The following ELOVL2 variants were observed in gnomAD, a reference collection of about 807,000 sequenced individuals.
ELOVL2 encodes the protein very long chain fatty acid elongase 2.
A neutral mutation model predicts 37.7 loss-of-function variants in ELOVL2; 38 were observed. The ratio of observed to expected loss-of-function variants is 1.01; its 90% confidence interval spans 0.78 to 1.32. The LOEUF (loss-of-function observed/expected upper bound fraction) is 1.32, where lower values mean the gene tolerates loss of function less well. Ranked by LOEUF, ELOVL2 falls within the 40% of genes most tolerant of loss-of-function variation. The pLI is 0.00. For synonymous variants in ELOVL2, 115 were observed against 122.3 expected, an observed-to-expected ratio of 0.94 and a Z score of 0.40; for missense variants, 352 against 363.6, an observed-to-expected ratio of 0.97 and a Z score of 0.26.
At chr6:11,007,860 C>A (rs1010635975) in intron 2 of ELOVL2, among the ~76,000 whole-genome samples, 1 of 152,176 alleles carries the variant, frequency 6.6e-6, no homozygotes, top group African/African-American at 2.4e-5. Flanking sequence ...GCACATACTG[C>A]AAACTAATAT....
chr6:11,003,327 C>T (rs892025948), intron 3 of ELOVL2, among the ~76,000 whole-genome samples: 3 of 152,150 alleles, frequency 2.0e-5, no homozygotes, highest in African/African-American at 7.2e-5. Flanking sequence ...CCGACAGGCC[C>T]GGGCGTGTGA....
chr6:11,017,348 G>T (rs1782699477), intron 1 of ELOVL2, among the ~76,000 whole-genome samples: 1 of 152,138 alleles, frequency 6.6e-6, no homozygotes, highest in Admixed American at 6.5e-5. Flanking sequence ...GAACTACAAT[G>T]AATCAGTGTT....
intron 1 of ELOVL2, among the ~76,000 whole-genome samples, chr6:11,019,293 CTAAA>C (rs1437550521): frequency 6.6e-6 from 1 of 152,022 alleles, no homozygotes; most frequent in Non-Finnish European, 1.5e-5. Flanking sequence ...GTCCAAATTC[CTAAA>C]TATAGACATT....
At chr6:10,985,328 G>A (rs1436483116) in intron 7 of ELOVL2, among the ~76,000 whole-genome samples, 1 of 151,708 alleles carries the variant, frequency 6.6e-6, no homozygotes, top group Non-Finnish European at 1.5e-5. Flanking sequence ...TCACTCTGAT[G>A]GTCGTTTCTT....
At chr6:11,029,057 CAAAAAAAAAA>C (rs61212546) in intron 1 of ELOVL2, among the ~76,000 whole-genome samples, 31,531 of 84,730 alleles carry the variant, frequency 0.37, 3,841 homozygotes, top group Middle Eastern at 0.48. Context: ...TTTGTCTCTA[CAAAAAAAAAA>C]AAAAAAAAAA....
At chr6:10,993,226 C>T (rs117846386) in intron 5 of ELOVL2, among the ~76,000 whole-genome samples, 3,450 of 152,186 alleles carry the variant, frequency 0.023, 152 homozygotes, top group East Asian at 0.19. Flanking sequence ...AGTAAGAATA[C>T]AGAATTATGA....
chr6:10,984,361 T>C (rs984359744), intron 7 of ELOVL2, among the ~76,000 whole-genome samples: 21 of 152,044 alleles, frequency 1.4e-4, no homozygotes, highest in Non-Finnish European at 2.6e-4. Context: ...ATATATTATA[T>C]TTTTTATTAT....
chr6:11,013,233 A>G (rs1782613938), intron 1 of ELOVL2, among the ~76,000 whole-genome samples: 1 of 152,364 alleles, frequency 6.6e-6, no homozygotes, highest in South Asian at 2.1e-4. Flanking sequence ...TTTCTGGGTT[A>G]CTTAATATAG....
At chr6:11,021,317 T>G (rs1466287610) in intron 1 of ELOVL2, among the ~76,000 whole-genome samples, 2 of 152,228 alleles carry the variant, frequency 1.3e-5, no homozygotes, top group Non-Finnish European at 2.9e-5. Flanking sequence ...AGTCAAGATC[T>G]TCTTTACCTG....
intron 4 of ELOVL2, among the ~76,000 whole-genome samples, chr6:10,995,518 C>T (rs542316051): frequency 4.6e-5 from 7 of 152,324 alleles, no homozygotes; most frequent in African/African-American, 9.6e-5. Flanking sequence ...CTCCCCACCA[C>T]GGTGTCCTGT....
intron 2 of ELOVL2, among the ~76,000 whole-genome samples, chr6:11,008,661 A>G (rs531329802): frequency 1.3e-5 from 2 of 152,250 alleles, no homozygotes; most frequent in East Asian, 3.9e-4. Flanking sequence ...TACCCACTAG[A>G]ACTGTAAGGG....
chr6:11,043,404 A>AAC (rs34656289), intron 1 of ELOVL2: 10,221 of 115,024 alleles, frequency 0.089, 828 homozygotes, highest in East Asian at 0.18. Context: ...GACACGGGTG[A>AAC]ACACACACAC....
chr6:11,005,669 C>G (rs1362447841), intron 2 of ELOVL2, 110 bp from the exon 3 acceptor site: 5 of 881,460 alleles, frequency 5.7e-6, no homozygotes, highest in Non-Finnish European at 8.6e-6. Flanking sequence ...GGGAACAACT[C>G]CATACAACAT....
intron 1 of ELOVL2, among the ~76,000 whole-genome samples, chr6:11,035,467 G>A (rs1051681802): frequency 1.3e-5 from 2 of 152,056 alleles, no homozygotes; most frequent in Admixed American, 1.3e-4. Flanking sequence ...TCACACAATC[G>A]GTTTCATCAT....
intron 1 of ELOVL2, among the ~76,000 whole-genome samples, chr6:11,027,532 T>C (rs1782856908): frequency 6.6e-6 from 1 of 152,228 alleles, no homozygotes; most frequent in African/African-American, 2.4e-5. Flanking sequence ...TTTTAGAAAG[T>C]CCTACTTTAT....
At chr6:11,022,241 TGTGTCCAGCTAGACAAGAATCG>T (rs1782774893) in intron 1 of ELOVL2, among the ~76,000 whole-genome samples, 1 of 152,136 alleles carries the variant, frequency 6.6e-6, no homozygotes, top group Non-Finnish European at 1.5e-5. Flanking sequence ...TGTCAGAAGT[TGTGTCCAGCTAGACAAGAATCG>T]GTGTCCAGCA....
At chr6:11,024,155 A>G (rs7769571) in intron 1 of ELOVL2, among the ~76,000 whole-genome samples, 13,105 of 152,224 alleles carry the variant, frequency 0.086, 1,692 homozygotes, top group African/African-American at 0.28. Flanking sequence ...AGACAAAGTT[A>G]TTTATTACAA....
intron 2 of ELOVL2, among the ~76,000 whole-genome samples, 198 bp downstream of exon 2, chr6:11,010,548 C>G (rs1467254675): frequency 2.0e-5 from 3 of 152,142 alleles, no homozygotes; most frequent in Non-Finnish European, 4.4e-5. Context: ...CTTCTTTAAT[C>G]CCAGGAGAGG....
chr6:10,986,922 T>G (rs1782062784), intron 7 of ELOVL2, among the ~76,000 whole-genome samples: 1 of 152,336 alleles, frequency 6.6e-6, no homozygotes, highest in South Asian at 2.1e-4. Context: ...TCAGAAGGAA[T>G]GGTACCAGTT....
Sources: allele counts gnomAD v4.1 joint callset (sites outside exome capture counted in the v4.1 genomes callset), GRCh38; gene constraint gnomAD v4.1.1; transcripts MANE v1.5; gene names NCBI Gene and HGNC (gene_info 2026-07-23, HGNC 2026-07-21).